ANXA10: variants seen among roughly 807,000 people sequenced by gnomAD.
The protein encoded by ANXA10 is annexin A10.
A neutral mutation model predicts 53.5 loss-of-function variants in ANXA10; 49 were observed. That is an observed-to-expected ratio of 0.92 (90% CI 0.73 to 1.16). The LOEUF (loss-of-function observed/expected upper bound fraction) is 1.16, where lower values mean the gene tolerates loss of function less well. Among genes scored for constraint, ANXA10 ranks in the 50% most tolerant of loss-of-function variants. The pLI is 0.00. For missense variants in ANXA10, 393 were observed against 394.4 expected (o/e 1.00, Z 0.03); for synonymous variants, 131 against 128.9 (o/e 1.02, Z -0.11).
intron 1 of ANXA10, among the ~76,000 whole-genome samples, chr4:168,119,500 A>G (rs1730952125): frequency 6.6e-6 from 1 of 152,190 alleles, no homozygotes; most frequent in South Asian, 2.1e-4. Context: ...CAAAGCAGCC[A>G]CCGTACAATG....
At chr4:168,176,500 T>C (rs1485645541) in intron 6 of ANXA10, among the ~76,000 whole-genome samples, 2 of 152,174 alleles carry the variant, frequency 1.3e-5, no homozygotes, top group East Asian at 3.9e-4. Flanking sequence ...GTCCCTGCCA[T>C]GGTCATAAAC....
intron 1 of ANXA10, among the ~76,000 whole-genome samples, chr4:168,097,827 T>C (rs1301849823): frequency 6.6e-6 from 1 of 152,132 alleles, no homozygotes; most frequent in Admixed American, 6.6e-5. Context: ...AGTAATGGAA[T>C]AGGAGGTAAA....
At chr4:168,167,727 C>T (rs1266178520) in intron 6 of ANXA10, among the ~76,000 whole-genome samples, 1 of 152,190 alleles carries the variant, frequency 6.6e-6, no homozygotes, top group Non-Finnish European at 1.5e-5. Context: ...TAACCGCATG[C>T]AAAGTTCTTT....
At chr4:168,182,051 C>T (rs1732258911) in intron 10 of ANXA10, among the ~76,000 whole-genome samples, 1 of 152,064 alleles carries the variant, frequency 6.6e-6, no homozygotes, top group Non-Finnish European at 1.5e-5. Flanking sequence ...CCAAAGACCC[C>T]CACATCAGAC....
At chr4:168,101,443 T>C (rs1438545056) in intron 1 of ANXA10, among the ~76,000 whole-genome samples, 1 of 147,734 alleles carries the variant, frequency 6.8e-6, no homozygotes, top group Non-Finnish European at 1.5e-5. Context: ...GGAACACTTT[T>C]AGGCTTAATC....
chr4:168,122,215 A>C (rs1327884723), intron 1 of ANXA10, among the ~76,000 whole-genome samples: 1 of 152,194 alleles, frequency 6.6e-6, no homozygotes, highest in Non-Finnish European at 1.5e-5. Context: ...TATCCATTGA[A>C]GTCTCTTCAG....
chr4:168,109,981 C>T (rs1029052552), intron 1 of ANXA10, among the ~76,000 whole-genome samples: 47 of 152,292 alleles, frequency 3.1e-4, no homozygotes, highest in African/African-American at 7.9e-4. Flanking sequence ...GAGGCCGAGA[C>T]GGGCAGATCA....
At chr4:168,105,716 TA>T (rs1730709913) in intron 1 of ANXA10, among the ~76,000 whole-genome samples, 1 of 152,184 alleles carries the variant, frequency 6.6e-6, no homozygotes, top group African/African-American at 2.4e-5. Context: ...ATGGTTGAAC[TA>T]ATTTACACTC....
intron 3 of ANXA10, among the ~76,000 whole-genome samples, chr4:168,162,320 T>C (rs1477652847): frequency 6.6e-6 from 1 of 152,196 alleles, no homozygotes; most frequent in African/African-American, 2.4e-5. Context: ...AATGTGCATA[T>C]GCTATGTCAT....
At chr4:168,137,959 CT>C (rs773199047) in intron 2 of ANXA10, among the ~76,000 whole-genome samples, 8,184 of 139,150 alleles carry the variant, frequency 0.059, 484 homozygotes, top group African/African-American at 0.16. Flanking sequence ...GTTATTTTAA[CT>C]TTTTTTTTTT....
At chr4:168,108,584 C>A (rs1444427919) in intron 1 of ANXA10, among the ~76,000 whole-genome samples, 1 of 152,088 alleles carries the variant, frequency 6.6e-6, no homozygotes, top group East Asian at 1.9e-4. Context: ...GGAGCCAGAT[C>A]CCTTTAAAAT....
At chr4:168,138,139 T>C (rs1731270347) in intron 2 of ANXA10, among the ~76,000 whole-genome samples, 1 of 151,982 alleles carries the variant, frequency 6.6e-6, no homozygotes, top group Non-Finnish European at 1.5e-5. Flanking sequence ...TTTTTTGTAC[T>C]TTTAGTAGAG....
chr4:168,101,917 T>C (rs1296888594), intron 1 of ANXA10, among the ~76,000 whole-genome samples: 3 of 152,122 alleles, frequency 2.0e-5, no homozygotes, highest in Non-Finnish European at 4.4e-5. Context: ...ACAACACCGT[T>C]CTAACCTTCA....
intron 3 of ANXA10, among the ~76,000 whole-genome samples, chr4:168,148,298 C>T (rs1288315370): frequency 6.6e-6 from 1 of 151,902 alleles, no homozygotes; most frequent in Non-Finnish European, 1.5e-5. Context: ...TCCTGAGTAG[C>T]TGGGATTACA....
intron 1 of ANXA10, among the ~76,000 whole-genome samples, chr4:168,104,144 G>C (rs1245969234): frequency 6.6e-6 from 1 of 151,846 alleles, no homozygotes; most frequent in Non-Finnish European, 1.5e-5. Context: ...TCTGCATCAT[G>C]TTTTGATGGC....
intron 3 of ANXA10, among the ~76,000 whole-genome samples, chr4:168,150,386 A>C (rs1578917289): frequency 6.6e-6 from 1 of 152,242 alleles, no homozygotes; most frequent in Non-Finnish European, 1.5e-5. Flanking sequence ...TGACGAAGCA[A>C]CTTGCACAAA....
At chr4:168,119,588 T>C (rs573780173) in intron 1 of ANXA10, among the ~76,000 whole-genome samples, 7 of 152,302 alleles carry the variant, frequency 4.6e-5, no homozygotes, top group Admixed American at 4.6e-4. Context: ...CAGCTGTATA[T>C]GTTTCAAAAA....
intron 1 of ANXA10, among the ~76,000 whole-genome samples, chr4:168,120,024 T>C (rs1018504763): frequency 6.6e-6 from 1 of 152,032 alleles, no homozygotes. Flanking sequence ...TATAATAGCA[T>C]AGGATAGCTT....
chr4:168,105,474 T>A (rs947086186), intron 1 of ANXA10, among the ~76,000 whole-genome samples: 1 of 152,144 alleles, frequency 6.6e-6, no homozygotes, highest in African/African-American at 2.4e-5. Flanking sequence ...TGTGTAGTAT[T>A]CCATGTTGTA....
Sources: gnomAD v4.1 joint callset for allele counts (sites outside exome capture counted in the v4.1 genomes callset) on GRCh38, gnomAD v4.1.1 for gene constraint, MANE v1.5 for transcripts, NCBI Gene and HGNC (gene_info 2026-07-23, HGNC 2026-07-21) for gene names.